The following CCNH variants were observed in gnomAD, a reference collection of about 807,000 sequenced individuals.
CCNH encodes cyclin H, also known as cyclin-H.
In CCNH, 31 loss-of-function variants were observed where a neutral mutation model predicts 41.9. The observed-to-expected ratio is 0.74, with a 90% confidence interval of 0.56 to 1.00. The LOEUF is 1.00. CCNH is among the 50% of genes least tolerant of loss of function. The pLI is 0.00. For synonymous variants in CCNH, 138 were observed against 136.1 expected, an observed-to-expected ratio of 1.01 and a Z score of -0.10; for missense variants, 362 against 388.4, an observed-to-expected ratio of 0.93 and a Z score of 0.57.
chr5:87,395,180 G>A, intron 7 of CCNH, 76 bp from the exon 8 acceptor site: 1 of 1,293,066 alleles, frequency 7.7e-7, no homozygotes, highest in Non-Finnish European at 1.1e-6. Flanking sequence ...AACTAGCAAG[G>A]CTATAGGCAA....
chr5:87,374,455 ATATATT>A, downstream of CCNH: 1 of 264,198 alleles, frequency 3.8e-6, no homozygotes, highest in Non-Finnish European at 6.1e-6. Context: ...ATATATATAT[ATATATT>A]TTTTTTTTTT....
chr5:87,411,978 T>C (rs569497557), intron 1 of CCNH, among the ~76,000 whole-genome samples: 5 of 152,184 alleles, frequency 3.3e-5, no homozygotes, highest in Admixed American at 6.5e-5. Context: ...CAGAAGGAAC[T>C]TGGCTAGCGG....
chr5:87,352,814 C>T (rs1459006371), intron 9 of CCNH, among the ~76,000 whole-genome samples: 1 of 151,450 alleles, frequency 6.6e-6, no homozygotes, highest in Non-Finnish European at 1.5e-5. Flanking sequence ...TTCTTAGTAT[C>T]TCATATATAC....
chr5:87,406,195 T>A (rs1763776651), intron 4 of CCNH, among the ~76,000 whole-genome samples: 1 of 152,170 alleles, frequency 6.6e-6, no homozygotes, highest in Non-Finnish European at 1.5e-5. Context: ...TTTCCACTGT[T>A]AAGAGAAAGA....
At chr5:87,333,326 T>G in intron 9 of CCNH, 1 of 1,613,184 alleles carries the variant, frequency 6.2e-7, no homozygotes. Flanking sequence ...TACCAGACAC[T>G]GATGAAATAA....
downstream of CCNH, among the ~76,000 whole-genome samples, chr5:87,372,575 G>A (rs1761027107): frequency 6.6e-6 from 1 of 152,052 alleles, no homozygotes; most frequent in Non-Finnish European, 1.5e-5. Flanking sequence ...TTTTCATTTT[G>A]AAGAACAGCT....
At chr5:87,403,838 A>G (rs1763597189) in intron 5 of CCNH, among the ~76,000 whole-genome samples, 2 of 152,208 alleles carry the variant, frequency 1.3e-5, no homozygotes, top group Non-Finnish European at 2.9e-5. Context: ...TTAACTCCAT[A>G]TACATCAGTA....
chr5:87,374,143 A>G (rs1761147174), downstream of CCNH: 1 of 1,379,642 alleles, frequency 7.2e-7, no homozygotes, highest in African/African-American at 1.5e-5. Context: ...ATATATATAT[A>G]TATATTTTTT....
At chr5:87,408,563 TG>T (rs1380804388) in intron 3 of CCNH, among the ~76,000 whole-genome samples, 1 of 152,124 alleles carries the variant, frequency 6.6e-6, no homozygotes, top group African/African-American at 2.4e-5. Context: ...ATATGTACCA[TG>T]TAAGTATGGG....
intron 9 of CCNH, chr5:87,341,241 T>C: frequency 9.2e-7 from 1 of 1,083,942 alleles, no homozygotes. Context: ...TAATAAAAAT[T>C]GATTAATAGT....
chr5:87,349,745 G>A (rs974430953), intron 9 of CCNH, among the ~76,000 whole-genome samples: 1 of 151,876 alleles, frequency 6.6e-6, no homozygotes, highest in African/African-American at 2.4e-5. Flanking sequence ...AAAGATACCT[G>A]AGACTTATTA....
downstream of CCNH, chr5:87,375,002 T>C: frequency 6.7e-7 from 1 of 1,484,844 alleles, no homozygotes; most frequent in Non-Finnish European, 9.0e-7. Flanking sequence ...AAAATAGAAA[T>C]TAAAAAAACA....
intron 9 of CCNH, among the ~76,000 whole-genome samples, chr5:87,323,409 G>A (rs988604576): frequency 1.3e-5 from 2 of 152,164 alleles, no homozygotes; most frequent in Non-Finnish European, 2.9e-5. Context: ...GAGAACTTTT[G>A]AGGGAGAGAG....
intron 9 of CCNH, among the ~76,000 whole-genome samples, chr5:87,338,536 A>ATATATTTTTTTTTTTTTTT: frequency 1.2e-5 from 1 of 85,216 alleles, no homozygotes; most frequent in African/African-American, 4.4e-5. Flanking sequence ...TATATATAAA[A>ATATATTTTTTTTTTTTTTT]TTTTTTTTTT....
intron 9 of CCNH, among the ~76,000 whole-genome samples, chr5:87,329,562 A>T (rs1003551988): frequency 6.6e-6 from 1 of 152,228 alleles, no homozygotes; most frequent in Admixed American, 6.5e-5. Flanking sequence ...ATCTCTGTGT[A>T]TCATTTCAAT....
intron 5 of CCNH, among the ~76,000 whole-genome samples, chr5:87,404,528 G>A (rs150113378): frequency 6.6e-6 from 1 of 152,270 alleles, no homozygotes; most frequent in African/African-American, 2.4e-5. Context: ...GGGGAATAAA[G>A]ATAAAACAAG....
chr5:87,389,972 T>C (rs1762371676), downstream of CCNH, among the ~76,000 whole-genome samples: 1 of 152,194 alleles, frequency 6.6e-6, no homozygotes, highest in South Asian at 2.1e-4. Context: ...GGTTCTGAAG[T>C]GTGGCCTTGA....
At chr5:87,346,529 ATG>A in intron 9 of CCNH, 1 of 503,144 alleles carries the variant, frequency 2.0e-6, no homozygotes, top group East Asian at 3.3e-5. Flanking sequence ...ATGTATTAAA[ATG>A]TAATAAGAAT....
chr5:87,345,396 C>A (rs966865557), intron 9 of CCNH, among the ~76,000 whole-genome samples: 13 of 151,942 alleles, frequency 8.6e-5, no homozygotes, highest in Non-Finnish European at 1.8e-4. Context: ...AGAGGATTAG[C>A]CTTGGAGGTC....
Sources: allele counts gnomAD v4.1 joint callset (sites outside exome capture counted in the v4.1 genomes callset), GRCh38; gene constraint gnomAD v4.1.1; transcripts MANE v1.5; gene names NCBI Gene and HGNC (gene_info 2026-07-23, HGNC 2026-07-21).